The following USP46 variants were observed in gnomAD, a reference collection of about 807,000 sequenced individuals.
USP46 encodes ubiquitin carboxyl-terminal hydrolase 46.
Under a neutral mutation model 44.4 loss-of-function variants are expected in USP46, and 12 were observed. That is an observed-to-expected ratio of 0.27 (90% CI 0.17 to 0.44). The LOEUF (loss-of-function observed/expected upper bound fraction) is 0.44, where lower values mean the gene tolerates loss of function less well. USP46 is among the 20% of genes least tolerant of loss of function. USP46 has a pLI of 1.00. For synonymous variants in USP46, 155 were observed against 161.5 expected (o/e 0.96, Z 0.31); for missense variants, 248 against 444.8 (o/e 0.56, Z 3.98).
At chr4:52,646,391 C>A (rs71597810) in intron 1 of USP46, among the ~76,000 whole-genome samples, 2 of 152,128 alleles carry the variant, frequency 1.3e-5, no homozygotes. Context: ...ATATAAAATT[C>A]TGGGCTCTCT....
At chr4:52,603,386 A>C (rs1480415673) in intron 6 of USP46, among the ~76,000 whole-genome samples, 1 of 152,224 alleles carries the variant, frequency 6.6e-6, no homozygotes, top group Admixed American at 6.5e-5. Flanking sequence ...AAAAGTGTAC[A>C]TGTTTGGAGT....
chr4:52,620,141 T>C (rs934792707), intron 4 of USP46, among the ~76,000 whole-genome samples: 1 of 152,186 alleles, frequency 6.6e-6, no homozygotes, highest in Non-Finnish European at 1.5e-5. Context: ...AGGTAAAAGC[T>C]TTTGCAATAT....
Position 52,628,028 on chromosome 4 carries a change from G to A in USP46, c.253C>T (p.His85Tyr). 2 of 1,613,874 alleles carry A rather than the reference G, an allele frequency of 1.2e-6. No homozygotes were observed. Among genetic ancestry groups the A allele is most frequent in the Non-Finnish European group, 1.7e-6 (2 of 1,179,852 alleles). Residue 85 changes from histidine (H) to tyrosine (Y), a missense_variant, in exon 3 of 9, where the codon CAC becomes TAC. Physicochemically the swap from His to Tyr is moderately conservative, Grantham distance 83. This residue lies in a region of USP46 where 54 missense variants were observed against 135.0 expected (regional missense o/e 0.40). Coordinates refer to ENST00000441222, the MANE Select transcript of USP46 (RefSeq NM_022832.4). Reference sequence around the variant, plus strand: ...TTCTTCTTCTGTGTGGCAATGCTGTGGAAAAGGTCCGCCAGGCACGTCAGC... The same window carrying A: ...TTCTTCTTCTGTGTGGCAATGCTGTAGAAAAGGTCCGCCAGGCACGTCAGC... ...NLLTCLADLF[H>Y]SIATQKKKVG... is the part of the protein sequence containing the mutation.
intron 1 of USP46, among the ~76,000 whole-genome samples, chr4:52,658,859 G>C (rs966523246): frequency 6.6e-6 from 1 of 152,000 alleles, no homozygotes; most frequent in East Asian, 2.0e-4. Context: ...AGGGCGGGGG[G>C]CGCAGCAGCG....
rs1271443139 is a variant in USP46, at chr4:52,592,274, A to C, written c.*5366T>G. 1.3e-5 allele frequency: 2 copies of C among 152,232 alleles called. No individual in the cohort carries two copies. 9.4% of individuals were successfully genotyped at this position (152,232 alleles called of 1,614,324 possible). Reference sequence around the variant, plus strand: ...AATGCCTAGAATGCAATAGGTGCCAAATAAATGCCTAATTAAAAATCTCTC... The same window carrying C: ...AATGCCTAGAATGCAATAGGTGCCACATAAATGCCTAATTAAAAATCTCTC... On this transcript the variant is annotated 3_prime_UTR_variant, in exon 9 of 9. Transcript: ENST00000441222.
At chr4:52,640,433 G>C (rs976384598) in intron 1 of USP46, among the ~76,000 whole-genome samples, 4 of 152,162 alleles carry the variant, frequency 2.6e-5, no homozygotes, top group African/African-American at 9.7e-5. Flanking sequence ...AGTAGGCCTA[G>C]AAGAAGAGGA....
intron 7 of USP46, among the ~76,000 whole-genome samples, chr4:52,600,336 G>C (rs1716420871): frequency 6.6e-6 from 1 of 152,084 alleles, no homozygotes; most frequent in Non-Finnish European, 1.5e-5. Flanking sequence ...AGGGAAGGCA[G>C]GCCCAGCTCC....
chr4:52,657,341 C>T (rs1386320320), intron 1 of USP46, among the ~76,000 whole-genome samples: 1 of 152,002 alleles, frequency 6.6e-6, no homozygotes, highest in Non-Finnish European at 1.5e-5. Flanking sequence ...CCAGGTGTGC[C>T]AGAAAGCCCC....
intron 1 of USP46, among the ~76,000 whole-genome samples, chr4:52,647,592 C>A (rs994490092): frequency 6.6e-6 from 1 of 152,216 alleles, no homozygotes; most frequent in African/African-American, 2.4e-5. Flanking sequence ...TGCTCTCATT[C>A]TCAGGAAAAG....
At chr4:52,617,719 G>GT (rs1295860508) in intron 4 of USP46, among the ~76,000 whole-genome samples, 1 of 152,028 alleles carries the variant, frequency 6.6e-6, no homozygotes, top group African/African-American at 2.4e-5. Context: ...GTTCTGTGGG[G>GT]TTTTTTTGTT....
intron 1 of USP46, among the ~76,000 whole-genome samples, chr4:52,640,472 T>G (rs184103734): frequency 3.7e-4 from 56 of 152,244 alleles, no homozygotes; most frequent in African/African-American, 1.1e-3. Context: ...CTTATTATCT[T>G]CTTAACTCTT....
At chr4:52,610,051 G>A (rs1045423504) in intron 5 of USP46, among the ~76,000 whole-genome samples, 14 of 147,930 alleles carry the variant, frequency 9.5e-5, no homozygotes, top group South Asian at 4.4e-4. Context: ...TCAGCCTCCC[G>A]TGTAGCTGGG....
At chr4:52,625,877 G>A (rs1717563731) in intron 4 of USP46, 141 bp downstream of exon 4, 2 of 865,776 alleles carry the variant, frequency 2.3e-6, no homozygotes, top group Non-Finnish European at 3.5e-6. Flanking sequence ...GTTTGTACTT[G>A]AGTTTCATAT....
intron 7 of USP46, among the ~76,000 whole-genome samples, chr4:52,601,498 AAAATAC>A (rs1716471118): frequency 6.6e-6 from 1 of 152,248 alleles, no homozygotes; most frequent in Non-Finnish European, 1.5e-5. Flanking sequence ...TACACATCTT[AAAATAC>A]TTTTGAGATC....
chr4:52,632,932 GAAAGAAAGAAAGAAAGAA>G (rs1717906469), intron 1 of USP46, among the ~76,000 whole-genome samples: 1 of 55,902 alleles, frequency 1.8e-5, no homozygotes, highest in African/African-American at 9.0e-5. Context: ...AAGAAAGAAA[GAAAGAAAGAAAGAAAGAA>G]AGAAAGAAAG....
intron 1 of USP46, among the ~76,000 whole-genome samples, chr4:52,653,495 CAAAAAAAAA>C (rs397880678): frequency 3.8e-5 from 2 of 53,020 alleles, no homozygotes; most frequent in East Asian, 6.0e-4. Flanking sequence ...AACTCTATCT[CAAAAAAAAA>C]AAAAAAAAAA....
intron 1 of USP46, among the ~76,000 whole-genome samples, chr4:52,640,386 AC>A (rs2109653296): frequency 6.6e-6 from 1 of 152,310 alleles, no homozygotes; most frequent in East Asian, 1.9e-4. Context: ...TTGAAAGAAG[AC>A]TTGAGAGATT....
chr4:52,644,778 C>A (rs931423723), intron 1 of USP46, among the ~76,000 whole-genome samples: 1 of 151,342 alleles, frequency 6.6e-6, no homozygotes, highest in South Asian at 2.1e-4. Flanking sequence ...AAAACCTTGG[C>A]CAGGCGCAGT....
At chr4:52,616,429 G>A (rs1717150296) in intron 4 of USP46, among the ~76,000 whole-genome samples, 1 of 151,892 alleles carries the variant, frequency 6.6e-6, no homozygotes, top group Non-Finnish European at 1.5e-5. Context: ...CTGGAGTGCA[G>A]TGGTGCAATC....
Sources: gnomAD v4.1 joint callset for allele counts (sites outside exome capture counted in the v4.1 genomes callset) on GRCh38, gnomAD v4.1.1 for gene constraint, gnomAD v4.1.1 regional missense constraint, MANE v1.5 for transcripts, NCBI Gene and HGNC (gene_info 2026-07-23, HGNC 2026-07-21) for gene names.